PTAR1: variants seen among roughly 807,000 people sequenced by gnomAD.
The protein encoded by PTAR1 is protein prenyltransferase alpha subunit repeat containing 1, also known as protein prenyltransferase alpha subunit repeat-containing protein 1.
Under a neutral mutation model 45.5 loss-of-function variants are expected in PTAR1, and 17 were observed. The ratio of observed to expected loss-of-function variants is 0.37; its 90% CI spans 0.26 to 0.56. The LOEUF (loss-of-function observed/expected upper bound fraction) is 0.56. Ranked by LOEUF, PTAR1 falls within the 20% of genes least tolerant of loss-of-function variation. The pLI is 0.77. For missense variants in PTAR1, 391 were observed against 476.3 expected, an observed-to-expected ratio of 0.82 and a Z score of 1.67; for synonymous variants, 169 against 171.3, an observed-to-expected ratio of 0.99 and a Z score of 0.11.
In PTAR1 at chr9:69,734,238, A is replaced by G; in HGVS notation, c.340T>C (p.Ser114Pro). ...TCCTTAATTGGATTTAAAGTGCCAG[A>G]GAGGATCAGCTCTTTCCTGTAAAAA... ...AWNVRKELIL[S>P]GTLNPIKDLH... is the part of the protein sequence containing the mutation. Residue 114 changes from serine to proline, a missense_variant, in exon 4 of 8, where the codon TCT becomes CCT. Coordinates refer to ENST00000340434, the MANE Select transcript of PTAR1 (RefSeq NM_001099666.2). 1 of 898,600 alleles carries G rather than the reference A, an allele frequency of 1.1e-6. No individual in the cohort carries two copies. The highest frequency in any genetic ancestry group is 1.8e-6 in the Non-Finnish European group (1 of 564,124). 55.7% of individuals were successfully genotyped at this position (898,600 alleles called of 1,614,324 possible).
intron 5 of PTAR1, among the ~76,000 whole-genome samples, chr9:69,727,026 T>TACATACACAC (rs1825318460): frequency 6.8e-6 from 1 of 147,104 alleles, no homozygotes; most frequent in African/African-American, 2.5e-5. Context: ...ATTGTGTATA[T>TACATACACAC]ACACACACAC....
chr9:69,732,671 G>GGTGT lies in PTAR1; in HGVS notation c.429-323_429-320dup, dbSNP rs910920500. ...TTGGCCAGGAAATGTAAAGGCAATT[G>GGTGT]GTGTGTGTGTGTGTGGTCGTGGTGA... On this transcript the variant is annotated intron_variant, in intron 4 of 7. Transcript: ENST00000340434. 3.3e-5 allele frequency among the ~76,000 whole-genome samples: 5 copies of GGTGT among 151,274 alleles called. No individual in the cohort carries two copies. In the South Asian group the frequency reaches 6.3e-4, roughly 19 times the overall value.
At chr9:69,720,646 G>C (rs1260122075) in intron 6 of PTAR1, among the ~76,000 whole-genome samples, 1 of 152,202 alleles carries the variant, frequency 6.6e-6, no homozygotes, top group Non-Finnish European at 1.5e-5. Flanking sequence ...CATAGCTAGA[G>C]AGAAATCCAT....
Position 69,722,767 on chromosome 9 carries a change from C to T in PTAR1, c.947+559G>A, listed in dbSNP as rs144127127. Among the ~76,000 whole-genome samples, 182 of 151,764 alleles carry T rather than the reference C, an allele frequency of 1.2e-3. 1 individual carries two copies. The highest frequency in any genetic ancestry group is 2.4e-3 in the Non-Finnish European group (160 of 67,882). On this transcript the variant is annotated intron_variant, in intron 6 of 7. Transcript: ENST00000340434. ...CAGCCTGGCCAACATGGTGAAATTC[C>T]GTCTCTACTAAAAACACAAAAATTA...
At chr9:69,739,853 AC>A (rs1434280029) in intron 3 of PTAR1, among the ~76,000 whole-genome samples, 1 of 152,194 alleles carries the variant, frequency 6.6e-6, no homozygotes, top group East Asian at 1.9e-4. Flanking sequence ...CTCATCTAGC[AC>A]AAAACCTTAC....
chr9:69,733,690 T>C (rs1825653105), intron 4 of PTAR1, among the ~76,000 whole-genome samples: 1 of 152,170 alleles, frequency 6.6e-6, no homozygotes, highest in Admixed American at 6.5e-5. Flanking sequence ...AAGTTAATTT[T>C]AATAACCACA....
At chr9:69,752,496 G>C (rs1588486946) in intron 1 of PTAR1, among the ~76,000 whole-genome samples, 1 of 152,106 alleles carries the variant, frequency 6.6e-6, no homozygotes, top group South Asian at 2.1e-4. Flanking sequence ...CAAGAAGACT[G>C]TGGGATCTAT....
At chr9:69,749,008 C>T (rs138652031) in intron 2 of PTAR1, among the ~76,000 whole-genome samples, 1 of 152,222 alleles carries the variant, frequency 6.6e-6, no homozygotes, top group Non-Finnish European at 1.5e-5. Context: ...TACACATGCA[C>T]GGTTGCAGCT....
At chr9:69,733,906 T>C (rs1825663068) in intron 4 of PTAR1, among the ~76,000 whole-genome samples, 2 of 152,180 alleles carry the variant, frequency 1.3e-5, no homozygotes, top group South Asian at 2.1e-4. Flanking sequence ...CTGTTAACTA[T>C]ATGAGACAGG....
intron 1 of PTAR1, 144 bp downstream of exon 1, chr9:69,759,709 G>T: frequency 6.8e-6 from 5 of 736,322 alleles, no homozygotes; most frequent in Non-Finnish European, 9.9e-6. Flanking sequence ...CAACGGTCCC[G>T]CCCGACACGG....
At position 69,731,352 on chromosome 9, in the gene PTAR1, T is replaced by C. The variant is rs138443837; in HGVS notation, c.642+787A>G. Among the ~76,000 whole-genome samples, 16 of 152,280 alleles carry C rather than the reference T, an allele frequency of 1.1e-4. No individual in the cohort carries two copies. In the East Asian group the frequency reaches 2.3e-3, roughly 22 times the overall value. Reference sequence around the variant, plus strand: ...ACTGTCTCAAGCCTGAGAAGCTTTTTAGATGAGCACCCTAGATTCTTATGG... The same window carrying C: ...ACTGTCTCAAGCCTGAGAAGCTTTTCAGATGAGCACCCTAGATTCTTATGG... On this transcript the variant is annotated intron_variant, in intron 5 of 7. Transcript: ENST00000340434.
chr9:69,759,807 GC>G (rs1421723650), intron 1 of PTAR1, 45 bp downstream of exon 1: 13 of 1,426,038 alleles, frequency 9.1e-6, no homozygotes, highest in Non-Finnish European at 1.2e-5. Context: ...CCCCGCCCCC[GC>G]CCGCTCCCGA....
At position 69,710,745 on chromosome 9, in the gene PTAR1, G is replaced by A. The variant is rs1408678508; in HGVS notation, c.*7597C>T. 2 of 152,064 alleles carry A rather than the reference G, an allele frequency of 1.3e-5. No homozygotes were observed. The highest frequency in any genetic ancestry group is 2.4e-5 in the African/African-American group (1 of 41,428). 9.4% of individuals were successfully genotyped at this position (152,064 alleles called of 1,614,324 possible). A position where few individuals can be genotyped will look rare whatever the true frequency, so the allele number is the denominator to read the frequency against. On this transcript the variant is annotated 3_prime_UTR_variant, in exon 8 of 8. Transcript: ENST00000340434. ...CAAGAAACATAGCAGTACAACAGAGGGAAGACCATTAGTCTCTTCAGTAAA... is the reference window on the plus strand; with the variant it reads ...CAAGAAACATAGCAGTACAACAGAGAGAAGACCATTAGTCTCTTCAGTAAA...
At chr9:69,733,226 C>G (rs1564134929) in intron 4 of PTAR1, among the ~76,000 whole-genome samples, 3 of 152,098 alleles carry the variant, frequency 2.0e-5, no homozygotes, top group Admixed American at 6.6e-5. Context: ...TTCCAAACCC[C>G]CATACACACA....
rs899456395 is a variant in PTAR1 at position 69,712,586 on chromosome 9, TCTTGA to T, written c.*5751_*5755del. 1.3e-5 allele frequency: 2 copies of T among 152,156 alleles called. No homozygotes were observed. Among genetic ancestry groups the T allele is most frequent in the African/African-American group, 4.8e-5 (2 of 41,448 alleles). The allele number at this position is 152,156 out of a possible 1,614,324, so 9.4% of individuals were successfully genotyped here. A position where few individuals can be genotyped will look rare whatever the true frequency, so the allele number is the denominator to read the frequency against. ...TTTTATCTTTCTAGCTTTTATCAAC[TCTTGA>T]CTTGTTGAATTCCTACAATGTGCAA... is the stretch of plus-strand genomic sequence containing the variant. On this transcript the variant is annotated 3_prime_UTR_variant, in exon 8 of 8. Transcript: ENST00000340434.
chr9:69,732,394 T>C (rs1305209302), intron 4 of PTAR1, 42 bp from the exon 5 acceptor site: 1 of 1,387,466 alleles, frequency 7.2e-7, no homozygotes, highest in Admixed American at 1.8e-5. Flanking sequence ...AGAAAGAACA[T>C]AAACCAGAGA....
At chr9:69,752,001 A>G (rs1826554940) in intron 1 of PTAR1, among the ~76,000 whole-genome samples, 1 of 152,154 alleles carries the variant, frequency 6.6e-6, no homozygotes, top group Non-Finnish European at 1.5e-5. Context: ...AGGAAGTTAT[A>G]ATTCTTGCCT....
chr9:69,752,794 C>T (rs933924862), intron 1 of PTAR1, among the ~76,000 whole-genome samples: 2 of 151,998 alleles, frequency 1.3e-5, no homozygotes, highest in Non-Finnish European at 2.9e-5. Flanking sequence ...GAGGTCAATG[C>T]CCAGTATTTC....
chr9:69,745,479 T>C (rs956760976), intron 2 of PTAR1, among the ~76,000 whole-genome samples: 1 of 152,204 alleles, frequency 6.6e-6, no homozygotes, highest in African/African-American at 2.4e-5. Flanking sequence ...CCTCCCTCCA[T>C]CACAAGTGAA....
Sources: gnomAD v4.1 joint callset for allele counts (sites outside exome capture counted in the v4.1 genomes callset) on GRCh38, gnomAD v4.1.1 for gene constraint, MANE v1.5 for transcripts, NCBI Gene and HGNC (gene_info 2026-07-23, HGNC 2026-07-21) for gene names.